The following SORCS3 variants were observed in gnomAD, a reference collection of about 807,000 sequenced individuals.
SORCS3 encodes VPS10 domain-containing receptor SorCS3.
A neutral mutation model predicts 146.3 loss-of-function variants in SORCS3; 57 were observed. The ratio of observed to expected loss-of-function variants is 0.39; its 90% CI spans 0.31 to 0.49. The LOEUF (loss-of-function observed/expected upper bound fraction) is 0.49. SORCS3 is among the 20% of genes least tolerant of loss of function. SORCS3 has a pLI of 0.92. For missense variants in SORCS3, 1,341 were observed against 1,575.5 expected (o/e 0.85, Z 2.52); for synonymous variants, 653 against 618.5 (o/e 1.06, Z -0.83).
intron 3 of SORCS3, among the ~76,000 whole-genome samples, chr10:104,940,219 TATATATATATATATATA>T (rs2019299133): frequency 6.8e-5 from 1 of 14,652 alleles, no homozygotes; most frequent in East Asian, 2.7e-3. Flanking sequence ...TATATATATA[TATATATATATATATATA>T]TATTTTTTTT....
At chr10:104,677,514 G>T (rs569168775) in intron 1 of SORCS3, among the ~76,000 whole-genome samples, 1 of 152,344 alleles carries the variant, frequency 6.6e-6, no homozygotes, top group East Asian at 1.9e-4. Flanking sequence ...GTCGCAGCCT[G>T]CCCAGGAACC....
chr10:105,019,147 T>C (rs1564736025), intron 4 of SORCS3, among the ~76,000 whole-genome samples: 2 of 152,240 alleles, frequency 1.3e-5, no homozygotes, highest in Non-Finnish European at 2.9e-5. Flanking sequence ...TAAGCTTCTT[T>C]ATGTACTGAC....
At position 104,712,234 on chromosome 10, in the gene SORCS3, G is replaced by A. The variant is rs887115989; in HGVS notation, c.627+70280G>A. Among the ~76,000 whole-genome samples the A allele has an allele frequency of 2.6e-5, 4 of 152,074 alleles. 1 individual carries two copies. The East Asian group carries it at 5.8e-4, about 22-fold the overall frequency. ...CCTGTACCAGTATGAGGAAATGGGG[G>A]TTCAGAAAGGTTCCTTGACCTGCCT... On this transcript the variant is annotated intron_variant, in intron 1 of 26. Transcript: ENST00000369701.
intron 1 of SORCS3, among the ~76,000 whole-genome samples, chr10:104,700,503 A>G (rs964425729): frequency 2.0e-4 from 31 of 152,250 alleles, no homozygotes; most frequent in African/African-American, 7.5e-4. Context: ...TTTATCCCTG[A>G]AATTGTTGAC....
At chr10:105,181,292 T>C (rs1261054021) in intron 14 of SORCS3, among the ~76,000 whole-genome samples, 3 of 152,168 alleles carry the variant, frequency 2.0e-5, no homozygotes, top group Non-Finnish European at 2.9e-5. Flanking sequence ...CTCTAGAGAT[T>C]CTGAAATGCT....
At chr10:104,786,909 C>T (rs539653081) in intron 1 of SORCS3, among the ~76,000 whole-genome samples, 2 of 152,268 alleles carry the variant, frequency 1.3e-5, no homozygotes, top group African/African-American at 2.4e-5. Flanking sequence ...GCAGCACTGC[C>T]CACTCCTGCT....
In SORCS3 at chr10:104,915,947, CA is replaced by C. The variant is rs769019663; in HGVS notation, c.795+16del. 18 of 1,598,250 alleles carry C rather than the reference CA, an allele frequency of 1.1e-5. No homozygotes were observed. The East Asian group carries it at 3.8e-4, about 34-fold the overall frequency. On this transcript the variant is annotated intron_variant, in intron 3 of 26. Transcript: ENST00000369701. ...ACAAAAGGAAGGTAAGAGACTGGGT[CA>C]GTAGGTCCTGAGCACTCCTGCTGGG...
intron 2 of SORCS3, among the ~76,000 whole-genome samples, chr10:104,879,867 T>A (rs1057329299): frequency 1.3e-5 from 2 of 152,186 alleles, no homozygotes; most frequent in Non-Finnish European, 2.9e-5. Context: ...ACAGAGGCCC[T>A]GGGTAGAATC....
intron 1 of SORCS3, among the ~76,000 whole-genome samples, chr10:104,808,946 C>T (rs921006240): frequency 7.2e-5 from 11 of 152,000 alleles, no homozygotes; most frequent in African/African-American, 1.9e-4. Flanking sequence ...AGAAATATTT[C>T]GACGGCAAAA....
At chr10:105,167,168 A>C in intron 12 of SORCS3, 90 bp from the exon 13 acceptor site, 8 of 1,030,466 alleles carry the variant, frequency 7.8e-6, no homozygotes, top group Non-Finnish European at 1.2e-5. Flanking sequence ...AACCTAGATG[A>C]AACAATATAT....
intron 1 of SORCS3, among the ~76,000 whole-genome samples, chr10:104,687,072 G>T (rs1279041658): frequency 1.3e-5 from 2 of 150,628 alleles, no homozygotes; most frequent in Admixed American, 1.3e-4. Flanking sequence ...CATCCATCCA[G>T]TCATCCATCC....
At chr10:104,691,164 G>A (rs2016106929) in intron 1 of SORCS3, among the ~76,000 whole-genome samples, 1 of 152,168 alleles carries the variant, frequency 6.6e-6, no homozygotes, top group South Asian at 2.1e-4. Flanking sequence ...TAGCACCATG[G>A]TGTCATAGCA....
At chr10:104,750,465 G>T (rs1447789034) in intron 1 of SORCS3, among the ~76,000 whole-genome samples, 1 of 152,140 alleles carries the variant, frequency 6.6e-6, no homozygotes, top group African/African-American at 2.4e-5. Flanking sequence ...TTAACCTGAA[G>T]ATAGTGTCCC....
In SORCS3 at chr10:105,105,529, G is replaced by A. The variant is rs1348037674; in HGVS notation, c.1212+14G>A. ...ATCTTCATTCAGGTGAGTACAGAAAGTGCAGTTGGTGGTAGGAGGATGCAT... is the reference window on the plus strand; with the variant it reads ...ATCTTCATTCAGGTGAGTACAGAAAATGCAGTTGGTGGTAGGAGGATGCAT... On this transcript the variant is annotated intron_variant, in intron 7 of 26. Transcript: ENST00000369701. The A allele has an allele frequency of 1.3e-6, 2 of 1,562,634 alleles. No individual in the cohort carries two copies. Among genetic ancestry groups the A allele is most frequent in the African/African-American group, 1.4e-5 (1 of 73,790 alleles).
chr10:105,135,517 A>C (rs1045324828), intron 7 of SORCS3, among the ~76,000 whole-genome samples: 1 of 152,078 alleles, frequency 6.6e-6, no homozygotes, highest in African/African-American at 2.4e-5. Context: ...TTCTCTCTCA[A>C]ACTTGCCTTT....
At chr10:105,122,361 C>T (rs1434682691) in intron 7 of SORCS3, among the ~76,000 whole-genome samples, 1 of 152,184 alleles carries the variant, frequency 6.6e-6, no homozygotes, top group Non-Finnish European at 1.5e-5. Context: ...TTTAAGAATT[C>T]TGAAACCCCC....
chr10:104,827,507 A>C (rs181233996), intron 1 of SORCS3, among the ~76,000 whole-genome samples: 5 of 152,250 alleles, frequency 3.3e-5, no homozygotes, highest in African/African-American at 1.2e-4. Context: ...GTGGGCTTAA[A>C]ATTTTCAGTA....
intron 1 of SORCS3, among the ~76,000 whole-genome samples, chr10:104,685,828 C>T (rs936955659): frequency 1.3e-5 from 2 of 152,212 alleles, no homozygotes; most frequent in African/African-American, 4.8e-5. Flanking sequence ...GTTCCCTCTT[C>T]CCTTTGTCCC....
chr10:105,000,456 G>C (rs1311191779), intron 4 of SORCS3, among the ~76,000 whole-genome samples: 2 of 152,042 alleles, frequency 1.3e-5, no homozygotes, highest in Non-Finnish European at 2.9e-5. Flanking sequence ...CCCACCGGTG[G>C]TGGTGGTAGT....
Sources: gnomAD v4.1 joint callset for allele counts (sites outside exome capture counted in the v4.1 genomes callset) on GRCh38, gnomAD v4.1.1 for gene constraint, MANE v1.5 for transcripts, NCBI Gene and HGNC (gene_info 2026-07-23, HGNC 2026-07-21) for gene names.